The following EPHX2 variants were observed in gnomAD, a reference collection of about 807,000 sequenced individuals.
EPHX2 encodes the protein bifunctional epoxide hydrolase 2.
Under a neutral mutation model 78.7 loss-of-function variants are expected in EPHX2, and 74 were observed. That is an observed-to-expected ratio of 0.94 (90% confidence interval 0.78 to 1.14). The LOEUF is 1.14. EPHX2 is among the 50% of genes most tolerant of loss of function. The pLI, the probability that EPHX2 is intolerant of heterozygous loss-of-function variation, is 0.00. For synonymous variants in EPHX2, 251 were observed against 255.2 expected (o/e 0.98, Z 0.16); for missense variants, 715 against 702.5 (o/e 1.02, Z -0.20).
At chr8:27,542,641 C>T (rs1285963221) in intron 16 of EPHX2, among the ~76,000 whole-genome samples, 1 of 152,112 alleles carries the variant, frequency 6.6e-6, no homozygotes, top group Non-Finnish European at 1.5e-5. Context: ...AGAAACCCTC[C>T]TCTTCTGCAG....
At chr8:27,494,652 G>C (rs1813509081) in intron 1 of EPHX2, among the ~76,000 whole-genome samples, 1 of 152,226 alleles carries the variant, frequency 6.6e-6, no homozygotes, top group South Asian at 2.1e-4. Context: ...GGGGCCTTAT[G>C]ATGGACCAAG....
chr8:27,499,544 T>C (rs1208525633), intron 1 of EPHX2, among the ~76,000 whole-genome samples: 1 of 152,220 alleles, frequency 6.6e-6, no homozygotes, highest in African/African-American at 2.4e-5. Context: ...GTTCTGTTAC[T>C]CAGGGCTGGT....
At chr8:27,547,293 A>G (rs1249526306), downstream of EPHX2, among the ~76,000 whole-genome samples, 3 of 152,232 alleles carry the variant, frequency 2.0e-5, no homozygotes, top group Non-Finnish European at 2.9e-5. Context: ...TTTGGGCCAC[A>G]CGTCAACTGT....
chr8:27,544,105 C>T lies in EPHX2; in HGVS notation c.1531-81C>T, dbSNP rs17057344. 4,267 of 1,506,100 alleles carry T rather than the reference C, an allele frequency of 2.8e-3. 93 individuals are homozygous for T. In the African/African-American group the frequency reaches 0.051, roughly 18 times the overall value. The allele number at this position is 1,506,100 out of a possible 1,614,324, so 93.3% of individuals were successfully genotyped here. A position where few individuals can be genotyped will look rare whatever the true frequency, so the allele number is the denominator to read the frequency against. ...TGGCCTGCGGGGAGCAGAGAGAAGGCGTCCATTGCCCATTGCACTAGCTAG... is the reference window on the plus strand; with the variant it reads ...TGGCCTGCGGGGAGCAGAGAGAAGGTGTCCATTGCCCATTGCACTAGCTAG... On this transcript the variant is annotated intron_variant, in intron 17 of 18. Transcript: ENST00000521400.
rs370686727 is a variant in EPHX2 at position 27,511,398 on chromosome 8, G to C, written c.661-438G>C. Among the ~76,000 whole-genome samples, 21 of 152,340 alleles carry C rather than the reference G, an allele frequency of 1.4e-4. 1 individual carries two copies. The highest frequency in any genetic ancestry group is 5.0e-4 in the African/African-American group (21 of 41,588). ...TTAGAGCAAGTGATTTTTGCTTCTT[G>C]CTTATATGGAGTTCAGTGGCCAGTG... On this transcript the variant is annotated intron_variant, in intron 5 of 18. Coordinates refer to ENST00000521400, the MANE Select transcript of EPHX2 (RefSeq NM_001979.6).
At position 27,491,320 on chromosome 8, in the gene EPHX2, C is replaced by T. The variant is rs1316746227; in HGVS notation, c.101+11C>T. 1 of 1,472,952 alleles carries T rather than the reference C, an allele frequency of 6.8e-7. No homozygotes were observed. Among genetic ancestry groups the T allele is most frequent in the Non-Finnish European group, 8.9e-7 (1 of 1,123,392 alleles). 91.2% of individuals were successfully genotyped at this position (1,472,952 alleles called of 1,614,324 possible). On this transcript the variant is annotated intron_variant, in intron 1 of 18. Coordinates refer to ENST00000521400, the MANE Select transcript of EPHX2 (RefSeq NM_001979.6). ...CCTGGCGCTGCCCAGGTAAGGGGGC[C>T]CAGCGCCGCCGCCGCAGTGGGTCGG...
chr8:27,525,146 G>T (rs1814797539), intron 11 of EPHX2, among the ~76,000 whole-genome samples: 1 of 149,936 alleles, frequency 6.7e-6, no homozygotes. Flanking sequence ...AAGGCAAGTT[G>T]GTGAGAAATA....
At chr8:27,501,322 ATTTT>A (rs1813760664) in intron 2 of EPHX2, among the ~76,000 whole-genome samples, 1 of 115,578 alleles carries the variant, frequency 8.7e-6, no homozygotes, top group Non-Finnish European at 2.0e-5. Context: ...AATGCTATAT[ATTTT>A]CTTCTTCTTC....
Position 27,542,494 on chromosome 8 carries a change from A to G in EPHX2, c.1449+952A>G, listed in dbSNP as rs151231425. Among the ~76,000 whole-genome samples, 359 of 152,280 alleles carry G rather than the reference A, an allele frequency of 2.4e-3. 2 individuals carry two copies. The highest frequency in any genetic ancestry group is 8.2e-3 in the African/African-American group (342 of 41,552). On this transcript the variant is annotated intron_variant, in intron 16 of 18. Transcript: ENST00000521400. ...GCAGTACTGGGAACCTATTAGCTCC[A>G]TTAGTGTTCCTTGTCATTATCATCA... is the stretch of plus-strand genomic sequence containing the variant.
At chr8:27,527,114 G>T (rs988321649) in intron 12 of EPHX2, among the ~76,000 whole-genome samples, 8 of 152,030 alleles carry the variant, frequency 5.3e-5, no homozygotes, top group South Asian at 2.1e-4. Flanking sequence ...CTAGTTTTTT[G>T]ATTTTTTTGT....
intron 16 of EPHX2, among the ~76,000 whole-genome samples, chr8:27,541,939 C>T (rs767831254): frequency 1.3e-5 from 2 of 151,974 alleles, no homozygotes; most frequent in African/African-American, 4.8e-5. Context: ...CTTTAGCCTT[C>T]GGTTGTGTCA....
At position 27,544,242 on chromosome 8, in the gene EPHX2, C is replaced by G; in HGVS notation, c.1587C>G (p.Asp529Glu). 1 of 1,614,162 alleles carries G rather than the reference C, an allele frequency of 6.2e-7. No individual in the cohort carries two copies. The highest frequency in any genetic ancestry group is 1.1e-5 in the South Asian group (1 of 91,076). The change falls in exon 18 of 19, where the codon GAC becomes GAG. Residue 529 changes from aspartate to glutamate, a missense_variant and splice_region_variant. Asp to Glu is a conservative substitution (Grantham distance 45). Coordinates refer to ENST00000521400, the MANE Select transcript of EPHX2 (RefSeq NM_001979.6). ...IEDCGHWTQM[D>E]KPTEVNQILI... ...ACTGTGGGCACTGGACACAGATGGA[C>G]AAGTAAGGAGGTTGGGGGCTCCTGG... is the stretch of plus-strand genomic sequence containing the variant.
chr8:27,495,895 T>C lies in EPHX2; in HGVS notation c.101+4586T>C, dbSNP rs1297964671. On this transcript the variant is annotated intron_variant, in intron 1 of 18. Transcript: ENST00000521400. The stretch of plus-strand genomic sequence containing the variant: ...AGCTGGAGCTTGTACTAGGGCCTGC[T>C]TTAAGGTTTTGGAGGCTGTTTCTGC... 2.0e-5 allele frequency among the ~76,000 whole-genome samples: 3 copies of C among 152,188 alleles called. No homozygotes were observed. The East Asian group carries it at 5.8e-4, about 29-fold the overall frequency.
chr8:27,544,780 C>T lies in EPHX2; in HGVS notation c.*258C>T. 8.0e-6 allele frequency: 4 copies of T among 500,988 alleles called. No individual in the cohort carries two copies. 31.0% of individuals were successfully genotyped at this position (500,988 alleles called of 1,614,324 possible). A position where few individuals can be genotyped will look rare whatever the true frequency, so the allele number is the denominator to read the frequency against. On this transcript the variant is annotated 3_prime_UTR_variant, in exon 19 of 19. Transcript: ENST00000521400. ...TTTATCTGTAAGAACCCTTAGTGTC[C>T]TGTAGGGGGACAGAATGGGGTGGCC...
intron 1 of EPHX2, among the ~76,000 whole-genome samples, chr8:27,491,951 T>TG (rs1164809575): frequency 6.9e-6 from 1 of 145,380 alleles, no homozygotes; most frequent in Non-Finnish European, 1.5e-5. Context: ...CTTTTTTTTG[T>TG]GTTTTTTTTT....
intron 11 of EPHX2, 120 bp downstream of exon 11, chr8:27,522,628 G>T: frequency 2.0e-6 from 2 of 976,350 alleles, no homozygotes; most frequent in Non-Finnish European, 3.1e-6. Context: ...GTCTGGGAAG[G>T]TGATGTCTTC....
intron 11 of EPHX2, among the ~76,000 whole-genome samples, chr8:27,524,107 A>G (rs1010501251): frequency 1.3e-4 from 19 of 151,920 alleles, no homozygotes; most frequent in Admixed American, 1.1e-3. Context: ...TAAATTTTGT[A>G]TTTTTAGTAG....
At position 27,543,829 on chromosome 8, in the gene EPHX2, G is replaced by A; in HGVS notation, c.1530G>A (p.Trp510Ter). ...VPQMSQHMED[W>*]IPHLKRGHIE... ...AGATGTCCCAGCACATGGAGGACTGGGTGAGGGAATGGCCCTGTACAAGGG... is the reference window on the plus strand; with the variant it reads ...AGATGTCCCAGCACATGGAGGACTGAGTGAGGGAATGGCCCTGTACAAGGG... The change falls in exon 17 of 19, where the codon TGG (tryptophan) becomes TGA (stop). Residue 510 changes from tryptophan to a stop codon, truncating the protein, a stop_gained and splice_region_variant. Coordinates refer to ENST00000521400, the MANE Select transcript of EPHX2 (RefSeq NM_001979.6). LOFTEE classifies it high-confidence loss of function. The A allele has an allele frequency of 6.2e-7, 1 of 1,614,166 alleles. No individual in the cohort carries two copies. The highest frequency in any genetic ancestry group is 8.5e-7 in the Non-Finnish European group (1 of 1,180,010).
intron 11 of EPHX2, among the ~76,000 whole-genome samples, 195 bp from the exon 12 acceptor site, chr8:27,525,167 G>A (rs182740846): frequency 6.6e-6 from 1 of 151,452 alleles, no homozygotes; most frequent in African/African-American, 2.4e-5. Flanking sequence ...CTGCAGTTTA[G>A]TAGGAAAAAA....
Sources: gnomAD v4.1 joint callset for allele counts (sites outside exome capture counted in the v4.1 genomes callset) on GRCh38, gnomAD v4.1.1 for gene constraint, MANE v1.5 for transcripts, NCBI Gene and HGNC (gene_info 2026-07-23, HGNC 2026-07-21) for gene names.